The following CALN1 variants were observed in gnomAD, a reference collection of about 807,000 sequenced individuals.
CALN1 encodes calcium-binding protein 8.
CALN1 carries 17 observed loss-of-function variants against 30.6 expected under a neutral mutation model. That is an observed-to-expected ratio of 0.56 (90% confidence interval 0.38 to 0.83). The LOEUF (loss-of-function observed/expected upper bound fraction) is 0.83, where lower values mean the gene tolerates loss of function less well. Among genes scored for constraint, CALN1 ranks in the 40% least tolerant of loss-of-function variants. CALN1 has a pLI of 0.00. For missense variants in CALN1, 291 were observed against 354.9 expected (o/e 0.82, Z 1.45); for synonymous variants, 156 against 131.4 (o/e 1.19, Z -1.28).
chr7:71,960,420 T>G (rs1797191853), intron 5 of CALN1, among the ~76,000 whole-genome samples: 1 of 152,288 alleles, frequency 6.6e-6, no homozygotes, highest in East Asian at 1.9e-4. Context: ...AGTGAGAACA[T>G]GTGGTATTTG....
chr7:71,966,291 T>TG (rs1198193168), intron 5 of CALN1, among the ~76,000 whole-genome samples: 1 of 152,190 alleles, frequency 6.6e-6, no homozygotes, highest in Non-Finnish European at 1.5e-5. Flanking sequence ...CTGTGAACCT[T>TG]GGTCTGTGGA....
the CALN1 span, among the ~76,000 whole-genome samples, chr7:72,453,163 G>C: frequency 6.6e-6 from 1 of 152,170 alleles, no homozygotes; most frequent in African/African-American, 2.4e-5. Flanking sequence ...CCCCAAAATT[G>C]GGGCTTAGGC....
At chr7:71,811,882 T>C (rs1787983102) in intron 5 of CALN1, among the ~76,000 whole-genome samples, 1 of 151,836 alleles carries the variant, frequency 6.6e-6, no homozygotes, top group Non-Finnish European at 1.5e-5. Flanking sequence ...TTTCGCCATG[T>C]TGGTCAAGCT....
intron 2 of CALN1, among the ~76,000 whole-genome samples, chr7:72,317,279 G>C (rs961656919): frequency 1.3e-5 from 2 of 150,628 alleles, no homozygotes; most frequent in Non-Finnish European, 3.0e-5. Context: ...GAGGGAGGAA[G>C]GGAAGGGAAG....
intron 5 of CALN1, among the ~76,000 whole-genome samples, chr7:71,920,695 T>C (rs1424526495): frequency 1.3e-5 from 2 of 152,170 alleles, no homozygotes; most frequent in East Asian, 3.9e-4. Flanking sequence ...ATATGTACTT[T>C]CTCCATGTGT....
rs151313068 is a variant in CALN1 at position 71,788,649 on chromosome 7, C to T, written c.659-747G>A. 9.3e-3 allele frequency among the ~76,000 whole-genome samples: 1,401 copies of T among 150,968 alleles called. 13 individuals are homozygous for T. The highest frequency in any genetic ancestry group is 0.013 in the Non-Finnish European group (850 of 67,710). ...AGCTGGAACTACAAGTGTGTGCCAC[C>T]GTGCCTAATTATTATTATTTTTTTT... On this transcript the variant is annotated intron_variant, in intron 6 of 6. Transcript: ENST00000395275.
chr7:71,799,758 G>C (rs1330959386), intron 6 of CALN1, among the ~76,000 whole-genome samples: 1 of 152,144 alleles, frequency 6.6e-6, no homozygotes, highest in Non-Finnish European at 1.5e-5. Context: ...CTACAGGCAT[G>C]AGCCGCCGCG....
chr7:72,008,355 T>C (rs997868278), intron 5 of CALN1, among the ~76,000 whole-genome samples: 1 of 147,632 alleles, frequency 6.8e-6, no homozygotes, highest in Non-Finnish European at 1.5e-5. Context: ...TCACAATACA[T>C]ATAAAAATCT....
chr7:72,034,106 C>A (rs925034143), intron 4 of CALN1, among the ~76,000 whole-genome samples: 3 of 152,050 alleles, frequency 2.0e-5, no homozygotes, highest in African/African-American at 7.2e-5. Flanking sequence ...GTAATCCCAG[C>A]ACTTTGGGAG....
At chr7:71,898,253 C>T (rs1793659343) in intron 5 of CALN1, among the ~76,000 whole-genome samples, 1 of 152,032 alleles carries the variant, frequency 6.6e-6, no homozygotes, top group African/African-American at 2.4e-5. Flanking sequence ...TCGCTTGAAC[C>T]CAGGAGGCAG....
At chr7:72,044,920 A>G (rs1309928429) in intron 4 of CALN1, among the ~76,000 whole-genome samples, 2 of 152,166 alleles carry the variant, frequency 1.3e-5, no homozygotes, top group Non-Finnish European at 2.9e-5. Context: ...GCACCCAGCT[A>G]CAGCCTAAAA....
intron 1 of CALN1, among the ~76,000 whole-genome samples, chr7:72,411,679 A>G (rs1463812062): frequency 1.3e-5 from 2 of 152,234 alleles, no homozygotes; most frequent in Non-Finnish European, 2.9e-5. Flanking sequence ...TAAGTTCTCA[A>G]TGATGCCAAA....
intron 1 of CALN1, among the ~76,000 whole-genome samples, chr7:72,410,952 AAT>A (rs1473915938): frequency 2.1e-5 from 3 of 145,056 alleles, no homozygotes; most frequent in African/African-American, 7.4e-5. Flanking sequence ...TGGGAAAAGA[AAT>A]AAAGTTATTT....
intron 2 of CALN1, among the ~76,000 whole-genome samples, chr7:72,285,449 T>C (rs1245528628): frequency 6.6e-6 from 1 of 152,126 alleles, no homozygotes; most frequent in Admixed American, 6.5e-5. Flanking sequence ...TTCACCGTGT[T>C]GGCCAGGATA....
chr7:71,829,171 TA>T (rs1789113457), intron 5 of CALN1, among the ~76,000 whole-genome samples: 1 of 152,052 alleles, frequency 6.6e-6, no homozygotes, highest in Admixed American at 6.6e-5. Flanking sequence ...CTTGGCAAAA[TA>T]AACTTTCTAA....
chr7:72,192,539 G>C (rs1450550789), intron 3 of CALN1, among the ~76,000 whole-genome samples: 2 of 152,062 alleles, frequency 1.3e-5, no homozygotes, highest in Non-Finnish European at 2.9e-5. Context: ...ACTCTGACAG[G>C]AATGCAAAGA....
chr7:72,276,266 C>T (rs1797326057), intron 3 of CALN1, among the ~76,000 whole-genome samples: 1 of 152,214 alleles, frequency 6.6e-6, no homozygotes, highest in South Asian at 2.1e-4. Flanking sequence ...ATCCACCCCA[C>T]ATTAATGTAC....
At chr7:72,095,256 G>T (rs844718) in intron 4 of CALN1, among the ~76,000 whole-genome samples, 1,526 of 152,172 alleles carry the variant, frequency 0.01, 24 homozygotes, top group African/African-American at 0.035. Context: ...TAAATAAAGT[G>T]CTTAGAACAG....
chr7:72,174,811 T>C (rs903466034), intron 3 of CALN1, among the ~76,000 whole-genome samples: 2 of 152,148 alleles, frequency 1.3e-5, no homozygotes, highest in African/African-American at 4.8e-5. Context: ...ATGGAAATCT[T>C]TGGTCTCTTT....
Sources: gnomAD v4.1 joint callset for allele counts (sites outside exome capture counted in the v4.1 genomes callset) on GRCh38, gnomAD v4.1.1 for gene constraint, MANE v1.5 for transcripts, NCBI Gene and HGNC (gene_info 2026-07-23, HGNC 2026-07-21) for gene names.